The following PTPRD variants were observed in gnomAD, a reference collection of about 807,000 sequenced individuals.
PTPRD encodes the protein protein tyrosine phosphatase receptor type D.
Under a neutral mutation model 214.5 loss-of-function variants are expected in PTPRD, and 34 were observed. The ratio of observed to expected loss-of-function variants is 0.16; its 90% CI spans 0.12 to 0.21. The LOEUF (loss-of-function observed/expected upper bound fraction) is 0.21. PTPRD is among the 10% of genes least tolerant of loss of function. The pLI, the probability that PTPRD is intolerant of heterozygous loss-of-function variation, is 1.00. For synonymous variants in PTPRD, 1,128 were observed against 845.7 expected, an observed-to-expected ratio of 1.33 and a Z score of -5.79; for missense variants, 2,545 against 2,398.7, an observed-to-expected ratio of 1.06 and a Z score of -1.27.
intron 7 of PTPRD, among the ~76,000 whole-genome samples, chr9:9,599,171 A>C (rs1476651880): frequency 6.6e-6 from 1 of 152,066 alleles, no homozygotes; most frequent in East Asian, 1.9e-4. Context: ...AAAAGGTGAC[A>C]TTATATGAGT....
intron 8 of PTPRD, among the ~76,000 whole-genome samples, chr9:9,531,620 T>C (rs2075485335): frequency 6.6e-6 from 1 of 152,172 alleles, no homozygotes; most frequent in African/African-American, 2.4e-5. Context: ...GGCTGAATAG[T>C]ACTCCTCGCA....
At chr9:10,507,702 G>C (rs1252719651) in intron 2 of PTPRD, among the ~76,000 whole-genome samples, 6 of 152,278 alleles carry the variant, frequency 3.9e-5, no homozygotes, top group Non-Finnish European at 4.4e-5. Flanking sequence ...ATGGGGAAAG[G>C]AGTCGCTATT....
Position 8,716,718 on chromosome 9 carries a change from G to C in PTPRD, c.64+17062C>G, listed in dbSNP as rs186924557. 1.0e-3 allele frequency among the ~76,000 whole-genome samples: 155 copies of C among 152,242 alleles called. 2 individuals carry two copies. Among genetic ancestry groups the C allele is most frequent in the Admixed American group, 9.4e-3 (144 of 15,300 alleles). ...AGCATGCACTCCCAAATAGGAAGAAGAGAATGGGTGGTGGCTTCCCTCATG... is the reference window on the plus strand; with the variant it reads ...AGCATGCACTCCCAAATAGGAAGAACAGAATGGGTGGTGGCTTCCCTCATG... On this transcript the variant is annotated intron_variant, in intron 12 of 45. Coordinates refer to ENST00000381196, the MANE Select transcript of PTPRD (RefSeq NM_002839.4).
intron 8 of PTPRD, among the ~76,000 whole-genome samples, chr9:9,527,686 C>T (rs893385043): frequency 2.0e-5 from 3 of 152,012 alleles, no homozygotes; most frequent in Non-Finnish European, 4.4e-5. Context: ...ATTTTTATTT[C>T]TTTTTTATAT....
chr9:10,562,838 G>A (rs2064396770), intron 2 of PTPRD, among the ~76,000 whole-genome samples: 1 of 152,050 alleles, frequency 6.6e-6, no homozygotes, highest in African/African-American at 2.4e-5. Flanking sequence ...TTAGAGTCAA[G>A]ATTTGCTCAG....
intron 9 of PTPRD, among the ~76,000 whole-genome samples, chr9:9,321,556 G>GAAAAA (rs3048028): frequency 0.034 from 4,668 of 138,426 alleles, 111 homozygotes; most frequent in South Asian, 0.056. Flanking sequence ...ACTCCACTGA[G>GAAAAA]AAAAAAAAAA....
chr9:9,891,229 G>C (rs1325095770), intron 5 of PTPRD, among the ~76,000 whole-genome samples: 1 of 152,124 alleles, frequency 6.6e-6, no homozygotes, highest in African/African-American at 2.4e-5. Flanking sequence ...AACTTTCCCA[G>C]TGGTATGGGG....
At chr9:10,578,511 T>G (rs1204350182) in intron 2 of PTPRD, among the ~76,000 whole-genome samples, 1 of 152,030 alleles carries the variant, frequency 6.6e-6, no homozygotes, top group Non-Finnish European at 1.5e-5. Context: ...ACAGAAAAGG[T>G]CCAATAGAAA....
intron 11 of PTPRD, among the ~76,000 whole-genome samples, chr9:8,826,413 C>A (rs138898217): frequency 6.6e-6 from 1 of 152,140 alleles, no homozygotes; most frequent in Non-Finnish European, 1.5e-5. Context: ...AGCCATCAGA[C>A]CTCCTGACCA....
chr9:10,531,926 T>A (rs1287534698), intron 2 of PTPRD, among the ~76,000 whole-genome samples: 1 of 152,222 alleles, frequency 6.6e-6, no homozygotes, highest in Non-Finnish European at 1.5e-5. Flanking sequence ...CAACAGACCC[T>A]GCCTTCACCA....
intron 11 of PTPRD, among the ~76,000 whole-genome samples, chr9:8,940,495 G>A (rs1367911006): frequency 2.5e-5 from 3 of 121,792 alleles, no homozygotes; most frequent in African/African-American, 6.2e-5. Context: ...GTTTCACCAT[G>A]TTGGCCAGGC....
chr9:8,763,541 A>AATATAACATATATACATTAT (rs2094531802), intron 11 of PTPRD, among the ~76,000 whole-genome samples: 2 of 151,778 alleles, frequency 1.3e-5, no homozygotes, highest in South Asian at 4.1e-4. Context: ...ATTATGTATT[A>AATATAACATATATACATTAT]ATATAACATA....
intron 9 of PTPRD, among the ~76,000 whole-genome samples, chr9:9,200,770 G>A (rs79431940): frequency 1.3e-5 from 2 of 152,206 alleles, no homozygotes; most frequent in Non-Finnish European, 1.5e-5. Flanking sequence ...GTGAATAAAT[G>A]TGATGGGGGA....
intron 2 of PTPRD, among the ~76,000 whole-genome samples, chr9:10,350,174 T>C (rs2097158506): frequency 6.6e-6 from 1 of 152,152 alleles, no homozygotes; most frequent in Non-Finnish European, 1.5e-5. Flanking sequence ...CACCCTGGAT[T>C]ATATCTTAAG....
chr9:9,995,777 A>G (rs1186549783), intron 4 of PTPRD, among the ~76,000 whole-genome samples: 4 of 152,158 alleles, frequency 2.6e-5, no homozygotes, highest in African/African-American at 9.6e-5. Flanking sequence ...GTTGCTATTT[A>G]TTTGATACTT....
intron 2 of PTPRD, among the ~76,000 whole-genome samples, chr9:10,520,251 T>C (rs1485284569): frequency 1.3e-5 from 2 of 152,196 alleles, no homozygotes; most frequent in East Asian, 1.9e-4. Flanking sequence ...AACAACCTTA[T>C]TGCTGATATG....
At chr9:10,372,805 A>C (rs76318588) in intron 2 of PTPRD, among the ~76,000 whole-genome samples, 11,437 of 149,194 alleles carry the variant, frequency 0.077, 1,450 homozygotes, top group African/African-American at 0.26. Context: ...TAAAGGTAGA[A>C]CCAAAAGTAT....
intron 5 of PTPRD, among the ~76,000 whole-genome samples, chr9:9,927,441 C>T (rs765238124): frequency 5.9e-5 from 9 of 152,094 alleles, no homozygotes; most frequent in Non-Finnish European, 1.3e-4. Flanking sequence ...CATTCCCAGC[C>T]CACACATCTG....
intron 11 of PTPRD, among the ~76,000 whole-genome samples, chr9:8,772,111 A>G (rs1184205358): frequency 6.6e-6 from 1 of 151,190 alleles, no homozygotes; most frequent in Non-Finnish European, 1.5e-5. Flanking sequence ...ATTAAAACTT[A>G]AAAAAAAACT....
Sources: allele counts gnomAD v4.1 joint callset (sites outside exome capture counted in the v4.1 genomes callset), GRCh38; gene constraint gnomAD v4.1.1; transcripts MANE v1.5; gene names NCBI Gene and HGNC (gene_info 2026-07-23, HGNC 2026-07-21).